Variants in EPB41L4A observed in about 807,000 individuals in gnomAD.
The protein encoded by EPB41L4A is band 4.1-like protein 4A.
A neutral mutation model predicts 108.6 loss-of-function variants in EPB41L4A; 100 were observed. The ratio of observed to expected loss-of-function variants is 0.92; its 90% confidence interval spans 0.78 to 1.09. The LOEUF is 1.09. Among genes scored for constraint, EPB41L4A ranks in the 50% least tolerant of loss-of-function variants. EPB41L4A has a pLI of 0.00. For missense variants in EPB41L4A, 1,030 were observed against 842.7 expected (o/e 1.22, Z -2.75); for synonymous variants, 319 against 289.0 (o/e 1.10, Z -1.05).
At chr5:112,393,313 G>T (rs1261310916) in intron 1 of EPB41L4A, among the ~76,000 whole-genome samples, 2 of 151,964 alleles carry the variant, frequency 1.3e-5, no homozygotes, top group Non-Finnish European at 2.9e-5. Flanking sequence ...CTGGTTTTTT[G>T]AAAAGATCAA....
intron 2 of EPB41L4A, among the ~76,000 whole-genome samples, chr5:112,303,558 C>G (rs1447532391): frequency 6.6e-6 from 1 of 151,996 alleles, no homozygotes; most frequent in Non-Finnish European, 1.5e-5. Context: ...ACAGGAATAA[C>G]TAGAGAAAAC....
At chr5:112,254,653 C>T (rs1268854820) in intron 9 of EPB41L4A, among the ~76,000 whole-genome samples, 8 of 152,108 alleles carry the variant, frequency 5.3e-5, no homozygotes, top group Admixed American at 3.3e-4. Flanking sequence ...GTCTTCTACC[C>T]CACATCTCCA....
In EPB41L4A at chr5:112,199,242, C is replaced by T. The variant is rs184728747; in HGVS notation, c.1377-3534G>A. 1.2e-3 allele frequency among the ~76,000 whole-genome samples: 183 copies of T among 152,298 alleles called. 1 individual carries two copies. Among genetic ancestry groups the T allele is most frequent in the African/African-American group, 4.2e-3 (175 of 41,574 alleles). On this transcript the variant is annotated intron_variant, in intron 15 of 22. Transcript: ENST00000261486. ...GGAAGATGCTTTGAAAGCTAGTATC[C>T]ATAGTCTTTTCTCTTGTCCCTGTCC... is the stretch of plus-strand genomic sequence containing the variant.
chr5:112,384,482 ACT>A (rs1198480859), intron 1 of EPB41L4A, among the ~76,000 whole-genome samples: 2 of 152,216 alleles, frequency 1.3e-5, no homozygotes, highest in East Asian at 3.9e-4. Flanking sequence ...TGCAAAGATG[ACT>A]CTGTTGCAAC....
chr5:112,304,743 G>A (rs947091602), intron 2 of EPB41L4A, among the ~76,000 whole-genome samples: 2 of 152,026 alleles, frequency 1.3e-5, no homozygotes, highest in African/African-American at 4.8e-5. Context: ...CATGTTCAAT[G>A]CCTTATCATC....
At chr5:112,395,480 C>A (rs1231153257) in intron 1 of EPB41L4A, among the ~76,000 whole-genome samples, 2 of 152,266 alleles carry the variant, frequency 1.3e-5, no homozygotes, top group Admixed American at 6.5e-5. Context: ...ATGCAGCCAA[C>A]AGACACATGA....
intron 12 of EPB41L4A, among the ~76,000 whole-genome samples, chr5:112,155,369 C>CA (rs1759611895): frequency 1.3e-5 from 2 of 150,098 alleles, no homozygotes; most frequent in Admixed American, 6.6e-5. Flanking sequence ...TTAGCAACAA[C>CA]CAAAAAAAAA....
chr5:112,369,091 C>T (rs937367737), intron 1 of EPB41L4A, among the ~76,000 whole-genome samples: 6 of 152,110 alleles, frequency 3.9e-5, no homozygotes, highest in Admixed American at 3.3e-4. Flanking sequence ...ATAGTATTAT[C>T]GGCTCAACAC....
chr5:112,212,844 C>G (rs1188870622), intron 12 of EPB41L4A, among the ~76,000 whole-genome samples: 1 of 152,020 alleles, frequency 6.6e-6, no homozygotes, highest in African/African-American at 2.4e-5. Context: ...AAGAAAAGAC[C>G]TAGGTTTGCT....
intron 3 of EPB41L4A, 62 bp downstream of exon 3, chr5:112,280,210 A>C (rs1752877988): frequency 7.0e-7 from 1 of 1,432,810 alleles, no homozygotes; most frequent in Non-Finnish European, 9.9e-7. Flanking sequence ...GCACCCAACT[A>C]ATCATGGACT....
intron 1 of EPB41L4A, among the ~76,000 whole-genome samples, chr5:112,397,095 C>A (rs1237461447): frequency 2.6e-5 from 4 of 152,124 alleles, no homozygotes; most frequent in Admixed American, 2.6e-4. Context: ...TTCTACGCTT[C>A]CCTCTTTTGG....
intron 1 of EPB41L4A, among the ~76,000 whole-genome samples, chr5:112,340,583 A>G (rs1251471019): frequency 6.6e-6 from 1 of 152,228 alleles, no homozygotes; most frequent in African/African-American, 2.4e-5. Context: ...TATAAAGACT[A>G]AATAGCAATA....
At chr5:112,269,283 C>T (rs1278221782) in intron 4 of EPB41L4A, among the ~76,000 whole-genome samples, 1 of 151,504 alleles carries the variant, frequency 6.6e-6, no homozygotes, top group Non-Finnish European at 1.5e-5. Context: ...AAATCAAAAA[C>T]TGAAGGCAAA....
intron 1 of EPB41L4A, among the ~76,000 whole-genome samples, chr5:112,386,776 T>C (rs1760565221): frequency 6.6e-6 from 1 of 152,172 alleles, no homozygotes; most frequent in African/African-American, 2.4e-5. Context: ...AGATACTATA[T>C]ACATGACACT....
At position 112,204,433 on chromosome 5, in the gene EPB41L4A, G is replaced by A. The variant is rs562929678; in HGVS notation, c.1318C>T (p.Arg440Cys). The A allele has an allele frequency of 3.3e-5, 53 of 1,613,916 alleles. No individual in the cohort carries two copies. The highest frequency in any genetic ancestry group is 2.3e-4 in the African/African-American group (17 of 74,986). The change falls in exon 15 of 23, where the codon CGT (arginine) becomes TGT (cysteine). Residue 440 changes from arginine to cysteine, a missense_variant. Arg to Cys is a radical substitution (Grantham distance 180). Coordinates refer to ENST00000261486, the MANE Select transcript of EPB41L4A (RefSeq NM_022140.5). ...RTKSPKFPYT[R>C]RRNPSCGSDN... ...CTTCCACAGGAGGGGTTTCGGCGAC[G>A]CGTGTAAGGGAACTTTGGCGACTTA...
intron 2 of EPB41L4A, among the ~76,000 whole-genome samples, chr5:112,284,521 T>G (rs1181453315): frequency 6.6e-6 from 1 of 152,072 alleles, no homozygotes; most frequent in Non-Finnish European, 1.5e-5. Flanking sequence ...TCAAACACTT[T>G]CCCCTTCCCC....
At chr5:112,417,964 T>C (rs1393172188) in intron 1 of EPB41L4A, among the ~76,000 whole-genome samples, 3 of 152,136 alleles carry the variant, frequency 2.0e-5, no homozygotes, top group Admixed American at 2.0e-4. Context: ...CCATTATGAT[T>C]AACTTCTGAG....
chr5:112,289,884 C>G (rs193290868), intron 2 of EPB41L4A, among the ~76,000 whole-genome samples: 40 of 152,346 alleles, frequency 2.6e-4, no homozygotes, highest in Non-Finnish European at 4.1e-4. Flanking sequence ...GGGCTAGTTA[C>G]ACAACAAAGA....
chr5:112,416,384 A>G (rs1268317310), intron 1 of EPB41L4A, among the ~76,000 whole-genome samples: 4 of 152,168 alleles, frequency 2.6e-5, no homozygotes. Context: ...CAGTAAAATT[A>G]TTTCTACTAA....
Sources: allele counts gnomAD v4.1 joint callset (sites outside exome capture counted in the v4.1 genomes callset), GRCh38; gene constraint gnomAD v4.1.1; transcripts MANE v1.5; gene names NCBI Gene and HGNC (gene_info 2026-07-23, HGNC 2026-07-21).